CBL: variants seen among roughly 807,000 people sequenced by gnomAD.
CBL encodes E3 ubiquitin-protein ligase CBL.
In CBL, 45 loss-of-function variants were observed where a neutral mutation model predicts 96.9. The observed-to-expected ratio is 0.46, with a 90% CI of 0.37 to 0.60. CBL has a LOEUF of 0.60. CBL is among the 20% of genes least tolerant of loss of function. The probability of loss-of-function intolerance (pLI) is 0.00; values close to 1 mark genes in which losing one functional copy is unlikely to be tolerated. For missense variants in CBL, 1,024 were observed against 1,143.5 expected, an observed-to-expected ratio of 0.90 and a Z score of 1.51; for synonymous variants, 420 against 426.8, an observed-to-expected ratio of 0.98 and a Z score of 0.20.
intron 2 of CBL, among the ~76,000 whole-genome samples, chr11:119,239,315 T>C (rs1033790747): frequency 4.6e-5 from 7 of 152,194 alleles, no homozygotes; most frequent in Non-Finnish European, 8.8e-5. Context: ...TTTTGTAGTT[T>C]TCAGTGTTCA....
At chr11:119,222,040 T>C (rs1949416247) in intron 1 of CBL, among the ~76,000 whole-genome samples, 1 of 152,210 alleles carries the variant, frequency 6.6e-6, no homozygotes. Context: ...TTTTAAATTA[T>C]AATGACATTT....
intron 1 of CBL, among the ~76,000 whole-genome samples, chr11:119,215,580 C>T (rs535961194): frequency 2.9e-4 from 43 of 150,498 alleles, no homozygotes; most frequent in East Asian, 3.9e-4. Flanking sequence ...GCAGGAGAAT[C>T]GTTTAAACCC....
At chr11:119,212,085 A>C (rs932847618) in intron 1 of CBL, among the ~76,000 whole-genome samples, 1 of 150,372 alleles carries the variant, frequency 6.7e-6, no homozygotes, top group Non-Finnish European at 1.5e-5. Context: ...ATGCCTGGCT[A>C]ATTTTGTATT....
At chr11:119,231,600 C>G (rs1014191264) in intron 1 of CBL, among the ~76,000 whole-genome samples, 1 of 150,712 alleles carries the variant, frequency 6.6e-6, no homozygotes, top group African/African-American at 2.4e-5. Flanking sequence ...CCCAGCTACT[C>G]AGGAGGCTGA....
intron 3 of CBL, among the ~76,000 whole-genome samples, chr11:119,273,550 A>T (rs1378171117): frequency 6.6e-6 from 1 of 152,112 alleles, no homozygotes; most frequent in African/African-American, 2.4e-5. Flanking sequence ...CCTCCAGAGT[A>T]GCTGGAACTA....
chr11:119,217,315 G>T, intron 1 of CBL, among the ~76,000 whole-genome samples: 1 of 152,142 alleles, frequency 6.6e-6, no homozygotes, highest in Non-Finnish European at 1.5e-5. Flanking sequence ...GTTTCTCCAT[G>T]TTGATCAGGT....
intron 2 of CBL, among the ~76,000 whole-genome samples, chr11:119,238,668 A>G (rs545724305): frequency 1.2e-4 from 19 of 152,104 alleles, no homozygotes; most frequent in East Asian, 5.9e-4. Flanking sequence ...CGTCTCTACT[A>G]AAAATACAAA....
At chr11:119,243,919 G>A (rs1353824730) in intron 2 of CBL, among the ~76,000 whole-genome samples, 2 of 151,518 alleles carry the variant, frequency 1.3e-5, no homozygotes, top group South Asian at 2.1e-4. Flanking sequence ...TGTGGACATC[G>A]GGTCTCACTG....
At chr11:119,297,165 A>G in intron 13 of CBL, 131 bp downstream of exon 13, 1 of 774,698 alleles carries the variant, frequency 1.3e-6, no homozygotes, top group South Asian at 1.4e-5. Flanking sequence ...AGATAAATCT[A>G]GCCCTTAATG....
At chr11:119,220,213 C>T (rs1431095602) in intron 1 of CBL, among the ~76,000 whole-genome samples, 2 of 152,124 alleles carry the variant, frequency 1.3e-5, no homozygotes, top group African/African-American at 4.8e-5. Flanking sequence ...GTTGGGCAGG[C>T]TGGTCTTGAA....
At chr11:119,295,757 T>A (rs373473681) in intron 12 of CBL, among the ~76,000 whole-genome samples, 8 of 152,148 alleles carry the variant, frequency 5.3e-5, no homozygotes, top group African/African-American at 1.9e-4. Context: ...CTCATTTTAT[T>A]GTGAAAAGTT....
At chr11:119,237,043 G>T (rs1036076478) in intron 2 of CBL, among the ~76,000 whole-genome samples, 1 of 152,128 alleles carries the variant, frequency 6.6e-6, no homozygotes, top group Non-Finnish European at 1.5e-5. Flanking sequence ...TCCCAGCTGG[G>T]ATGCAAAGCA....
Position 119,307,095 on chromosome 11 carries a change from T to C in CBL, c.*7314T>C, listed in dbSNP as rs144022588. On this transcript the variant is annotated 3_prime_UTR_variant, in exon 16 of 16. Coordinates refer to ENST00000264033, the MANE Select transcript of CBL (RefSeq NM_005188.4). ...GTCTAGGAGACAGGAAAGAATGCTC[T>C]CTGTGACTGGAGAGGTGACATGCAG... is the stretch of plus-strand genomic sequence containing the variant. 7.1e-4 allele frequency: 165 copies of C among 231,346 alleles called. 1 individual carries two copies. In the East Asian group the frequency reaches 8.7e-3, roughly 12 times the overall value. The allele number at this position is 231,346 out of a possible 1,614,324, so 14.3% of individuals were successfully genotyped here.
At chr11:119,262,065 CG>C (rs1165169888) in intron 2 of CBL, among the ~76,000 whole-genome samples, 1 of 152,066 alleles carries the variant, frequency 6.6e-6, no homozygotes, top group Non-Finnish European at 1.5e-5. Context: ...ACTAAGTGAT[CG>C]AGTTGAACAT....
chr11:119,209,257 A>G (rs201345746), intron 1 of CBL, among the ~76,000 whole-genome samples: 49 of 152,256 alleles, frequency 3.2e-4, no homozygotes, highest in East Asian at 2.1e-3. Flanking sequence ...CCTTGACTTC[A>G]TGTGCTATAA....
Position 119,304,697 on chromosome 11 carries a change from A to G in CBL, c.*4916A>G. 4.9e-6 allele frequency: 1 copy of G among 205,096 alleles called. No individual in the cohort carries two copies. Among genetic ancestry groups the G allele is most frequent in the Non-Finnish European group, 1.0e-5 (1 of 100,456 alleles). 12.7% of individuals were successfully genotyped at this position (205,096 alleles called of 1,614,324 possible). On this transcript the variant is annotated 3_prime_UTR_variant, in exon 16 of 16. Transcript: ENST00000264033. ...GCTGGAGTGCAGTGGTGCAGTCTCA[A>G]CTCACCACAACCTCTGCCTCCCAGG...
chr11:119,218,961 T>G (rs1372580904), intron 1 of CBL, among the ~76,000 whole-genome samples: 1 of 152,212 alleles, frequency 6.6e-6, no homozygotes, highest in African/African-American at 2.4e-5. Flanking sequence ...CTCATGCCTG[T>G]AATCCCAGCA....
At chr11:119,229,458 A>G (rs954094230) in intron 1 of CBL, among the ~76,000 whole-genome samples, 6 of 152,124 alleles carry the variant, frequency 3.9e-5, no homozygotes, top group African/African-American at 1.4e-4. Context: ...CTAGGCTTAT[A>G]TATGGGGCTA....
intron 1 of CBL, among the ~76,000 whole-genome samples, chr11:119,207,224 C>G (rs1464793394): frequency 1.3e-5 from 2 of 152,212 alleles, no homozygotes; most frequent in Non-Finnish European, 2.9e-5. Flanking sequence ...TCCTCCCCAT[C>G]TAGCGCCGGC....
Sources: allele counts gnomAD v4.1 joint callset (sites outside exome capture counted in the v4.1 genomes callset), GRCh38; gene constraint gnomAD v4.1.1; transcripts MANE v1.5; gene names NCBI Gene and HGNC (gene_info 2026-07-23, HGNC 2026-07-21).